Variants in MACROD2 observed in about 807,000 individuals in gnomAD.
The protein encoded by MACROD2 is ADP-ribose glycohydrolase MACROD2.
Under a neutral mutation model 70.4 loss-of-function variants are expected in MACROD2, and 36 were observed. That is an observed-to-expected ratio of 0.51 (90% CI 0.39 to 0.68). MACROD2 has a LOEUF of 0.68. Ranked by LOEUF, MACROD2 falls within the 30% of genes least tolerant of loss-of-function variation. The pLI, the probability that MACROD2 is intolerant of heterozygous loss-of-function variation, is 0.00. For missense variants in MACROD2, 496 were observed against 538.4 expected (o/e 0.92, Z 0.78); for synonymous variants, 172 against 178.8 (o/e 0.96, Z 0.30).
intron 6 of MACROD2, among the ~76,000 whole-genome samples, chr20:15,249,324 C>T (rs547569050): frequency 4.6e-5 from 7 of 152,308 alleles, no homozygotes; most frequent in Non-Finnish European, 1.0e-4. Flanking sequence ...TACTCTCTCC[C>T]AGCCACCATT....
intron 3 of MACROD2, among the ~76,000 whole-genome samples, chr20:14,304,542 A>G (rs2122498118): frequency 6.6e-6 from 1 of 152,334 alleles, no homozygotes; most frequent in East Asian, 1.9e-4. Context: ...AGATCATTAT[A>G]CATTGATGAA....
intron 5 of MACROD2, among the ~76,000 whole-genome samples, chr20:15,029,393 T>C (rs1300372347): frequency 6.6e-6 from 1 of 152,218 alleles, no homozygotes; most frequent in Non-Finnish European, 1.5e-5. Flanking sequence ...TTTTTAAACT[T>C]TATCATGAAT....
At chr20:14,183,263 A>G (rs1047793833) in intron 3 of MACROD2, among the ~76,000 whole-genome samples, 1 of 151,552 alleles carries the variant, frequency 6.6e-6, no homozygotes, top group African/African-American at 2.4e-5. Flanking sequence ...TCTCACTTAT[A>G]AGTGAGAACA....
At chr20:15,538,840 T>C (rs1285511764) in intron 8 of MACROD2, among the ~76,000 whole-genome samples, 2 of 152,110 alleles carry the variant, frequency 1.3e-5, no homozygotes, top group Admixed American at 6.6e-5. Context: ...ATAAATAATA[T>C]AGCACTCTTA....
intron 3 of MACROD2, among the ~76,000 whole-genome samples, chr20:14,245,958 A>G (rs924988521): frequency 6.6e-6 from 1 of 152,158 alleles, no homozygotes; most frequent in Non-Finnish European, 1.5e-5. Flanking sequence ...TAGTATTGCA[A>G]GTATTGTTTT....
chr20:15,575,021 C>T (rs1480838185), intron 8 of MACROD2, among the ~76,000 whole-genome samples: 2 of 152,100 alleles, frequency 1.3e-5, no homozygotes, highest in Non-Finnish European at 2.9e-5. Flanking sequence ...TTTGCAGCCT[C>T]CATAGATATA....
chr20:14,579,552 G>A (rs1000674926), intron 4 of MACROD2, among the ~76,000 whole-genome samples: 8 of 152,114 alleles, frequency 5.3e-5, no homozygotes, highest in Admixed American at 2.0e-4. Flanking sequence ...GGGAAAAACC[G>A]TTTCGATATT....
intron 5 of MACROD2, among the ~76,000 whole-genome samples, chr20:15,133,607 T>A (rs572887760): frequency 1.4e-3 from 207 of 152,200 alleles, no homozygotes; most frequent in African/African-American, 4.5e-3. Context: ...TTCAGAATAT[T>A]TATCAGAAAT....
intron 4 of MACROD2, among the ~76,000 whole-genome samples, chr20:14,580,968 T>C (rs1474661910): frequency 2.6e-5 from 4 of 152,206 alleles, no homozygotes; most frequent in Non-Finnish European, 4.4e-5. Context: ...AAACTGATCC[T>C]CTGCTCACCT....
At chr20:14,303,351 CA>C (rs1178755711) in intron 3 of MACROD2, among the ~76,000 whole-genome samples, 1 of 152,170 alleles carries the variant, frequency 6.6e-6, no homozygotes, top group Non-Finnish European at 1.5e-5. Flanking sequence ...CACCACGCCC[CA>C]GAGAGCTTGT....
chr20:14,607,331 T>A (rs1246585098), intron 4 of MACROD2, among the ~76,000 whole-genome samples: 2 of 152,182 alleles, frequency 1.3e-5, no homozygotes, highest in Admixed American at 6.5e-5. Context: ...ATTATCTTCA[T>A]AAAATCCAAA....
chr20:15,829,326 C>G (rs1022774796), intron 8 of MACROD2, among the ~76,000 whole-genome samples: 1 of 152,192 alleles, frequency 6.6e-6, no homozygotes, highest in African/African-American at 2.4e-5. Context: ...ATTGCAGCAA[C>G]TTATCAGTAG....
At position 15,549,616 on chromosome 20, in the gene MACROD2, C is replaced by A. The variant is rs1369133525; in HGVS notation, c.645+49769C>A. Among the ~76,000 whole-genome samples the A allele has an allele frequency of 2.0e-5, 3 of 152,192 alleles. No individual in the cohort carries two copies. In the South Asian group the frequency reaches 6.2e-4, roughly 32 times the overall value. ...TTATTTTGACCCTTAAGTCTCACCT[C>A]CAGGGAGGGAAGAGAAGCCTTCACA... On this transcript the variant is annotated intron_variant, in intron 8 of 17. Transcript: ENST00000684519.
chr20:14,551,657 G>T (rs1978659776), intron 4 of MACROD2, among the ~76,000 whole-genome samples: 1 of 152,170 alleles, frequency 6.6e-6, no homozygotes, highest in Admixed American at 6.5e-5. Flanking sequence ...CAACTTTTGT[G>T]GTGGATTACT....
intron 7 of MACROD2, among the ~76,000 whole-genome samples, chr20:15,464,659 C>G (rs1197184378): frequency 6.6e-6 from 1 of 152,222 alleles, no homozygotes; most frequent in Non-Finnish European, 1.5e-5. Flanking sequence ...GATAATTAAA[C>G]ATAATCACAT....
At chr20:14,674,538 C>T (rs577841290) in intron 4 of MACROD2, among the ~76,000 whole-genome samples, 1 of 152,168 alleles carries the variant, frequency 6.6e-6, no homozygotes, top group South Asian at 2.1e-4. Context: ...ATGAGAAAAT[C>T]AAGAAAAAGA....
At chr20:15,894,015 T>C (rs1489895218) in intron 10 of MACROD2, 4 of 438,952 alleles carry the variant, frequency 9.1e-6, no homozygotes, top group Non-Finnish European at 1.8e-5. Context: ...TTTCCCATGC[T>C]CAGTCACTGG....
chr20:15,276,648 T>G (rs1600184757), intron 6 of MACROD2, among the ~76,000 whole-genome samples: 2 of 152,182 alleles, frequency 1.3e-5, no homozygotes, highest in South Asian at 4.1e-4. Context: ...GTCTCTCACC[T>G]ACTCTCTATG....
chr20:15,431,921 AT>A (rs147223133), intron 7 of MACROD2, among the ~76,000 whole-genome samples: 15,703 of 151,718 alleles, frequency 0.1, 986 homozygotes, highest in Middle Eastern at 0.23. Flanking sequence ...TAAACTGCAA[AT>A]TTTTTTTTCT....
Sources: allele counts gnomAD v4.1 joint callset (sites outside exome capture counted in the v4.1 genomes callset), GRCh38; gene constraint gnomAD v4.1.1; transcripts MANE v1.5; gene names NCBI Gene and HGNC (gene_info 2026-07-23, HGNC 2026-07-21).